Variants in RBFOX1 observed in about 807,000 individuals in gnomAD.
RBFOX1 encodes the protein RNA binding protein fox-1 homolog 1.
In RBFOX1, 8 loss-of-function variants were observed where a neutral mutation model predicts 57.7. The ratio of observed to expected loss-of-function variants is 0.14; its 90% CI spans 0.08 to 0.25. RBFOX1 has a LOEUF of 0.25. RBFOX1 is among the 10% of genes least tolerant of loss of function. The pLI, the probability that RBFOX1 is intolerant of heterozygous loss-of-function variation, is 1.00. For synonymous variants in RBFOX1, 326 were observed against 222.4 expected (o/e 1.47, Z -4.15); for missense variants, 611 against 548.5 (o/e 1.11, Z -1.14).
chr16:6,145,775 C>A (rs2096753333), intron 1 of RBFOX1, among the ~76,000 whole-genome samples: 1 of 152,086 alleles, frequency 6.6e-6, no homozygotes, highest in African/African-American at 2.4e-5. Flanking sequence ...ATAGACTAAT[C>A]ACAGTTTGCA....
chr16:5,610,864 T>C (rs550243464), intron 3 of RBFOX1, among the ~76,000 whole-genome samples: 1 of 152,104 alleles, frequency 6.6e-6, no homozygotes, highest in East Asian at 1.9e-4. Context: ...CAAGACCCTA[T>C]CTGTCAAAAG....
intron 5 of RBFOX1, among the ~76,000 whole-genome samples, chr16:7,577,802 T>A (rs1033813499): frequency 2.6e-5 from 4 of 152,186 alleles, no homozygotes; most frequent in Non-Finnish European, 4.4e-5. Context: ...GGAAGGCTGA[T>A]GTGGCAAGAT....
At chr16:7,416,590 C>T (rs1027588227) in intron 4 of RBFOX1, among the ~76,000 whole-genome samples, 3 of 152,166 alleles carry the variant, frequency 2.0e-5, no homozygotes, top group African/African-American at 4.8e-5. Flanking sequence ...GGACAGCCTT[C>T]TTGTCTTCAT....
At chr16:6,693,926 C>T (rs1038898839) in intron 3 of RBFOX1, among the ~76,000 whole-genome samples, 1 of 152,188 alleles carries the variant, frequency 6.6e-6, no homozygotes, top group African/African-American at 2.4e-5. Context: ...TGACTGTTTA[C>T]CCATATGAAG....
intron 4 of RBFOX1, among the ~76,000 whole-genome samples, chr16:7,153,867 A>T (rs1306320841): frequency 6.6e-6 from 1 of 152,128 alleles, no homozygotes; most frequent in Admixed American, 6.6e-5. Context: ...TGTTCTTGAT[A>T]CCAGGCAGGA....
intron 3 of RBFOX1, among the ~76,000 whole-genome samples, chr16:6,870,694 T>G (rs1320465856): frequency 6.6e-6 from 1 of 152,232 alleles, no homozygotes; most frequent in South Asian, 2.1e-4. Context: ...CAGCACAGTT[T>G]AATTATTTGG....
intron 2 of RBFOX1, among the ~76,000 whole-genome samples, chr16:6,425,653 T>C (rs2093904328): frequency 6.6e-6 from 1 of 152,198 alleles, no homozygotes; most frequent in African/African-American, 2.4e-5. Flanking sequence ...TTTGATGGAC[T>C]TTGTAGGCAT....
chr16:7,045,132 A>T (rs56099033), intron 3 of RBFOX1, among the ~76,000 whole-genome samples: 19,143 of 152,084 alleles, frequency 0.13, 2,090 homozygotes, highest in East Asian at 0.29. Context: ...CTGGCCACCT[A>T]ACTCATGAGA....
At chr16:5,440,690 C>G (rs924380047) in intron 1 of RBFOX1, among the ~76,000 whole-genome samples, 3 of 152,040 alleles carry the variant, frequency 2.0e-5, no homozygotes, top group Admixed American at 1.3e-4. Flanking sequence ...CAAATGAATC[C>G]CCTTTCAAGG....
intron 3 of RBFOX1, among the ~76,000 whole-genome samples, chr16:5,755,693 G>T (rs1159146649): frequency 6.6e-6 from 1 of 152,220 alleles, no homozygotes; most frequent in Non-Finnish European, 1.5e-5. Context: ...CCGCCTACCA[G>T]GTTCAAGCGA....
At chr16:6,410,121 C>G (rs1596778172) in intron 2 of RBFOX1, among the ~76,000 whole-genome samples, 1 of 150,956 alleles carries the variant, frequency 6.6e-6, no homozygotes, top group African/African-American at 2.5e-5. Context: ...AAATTGGCAA[C>G]TTTCTTTTCT....
At chr16:7,667,910 G>A (rs926754613) in intron 13 of RBFOX1, among the ~76,000 whole-genome samples, 2 of 152,252 alleles carry the variant, frequency 1.3e-5, no homozygotes, top group African/African-American at 2.4e-5. Flanking sequence ...CTGACCTCAA[G>A]TGATCCATCC....
intron 3 of RBFOX1, among the ~76,000 whole-genome samples, chr16:5,858,273 C>T (rs951735744): frequency 6.6e-6 from 1 of 152,176 alleles, no homozygotes; most frequent in Non-Finnish European, 1.5e-5. Flanking sequence ...CCACTTCTCA[C>T]ACCAACCCAG....
At chr16:6,126,685 C>G (rs1404508658) in intron 1 of RBFOX1, among the ~76,000 whole-genome samples, 1 of 152,096 alleles carries the variant, frequency 6.6e-6, no homozygotes, top group Admixed American at 6.6e-5. Flanking sequence ...CTGGTTTTCA[C>G]TAGAGCAGGT....
At chr16:5,428,108 GTGTGTGTGTGTGTC>G (rs887279518) in intron 1 of RBFOX1, among the ~76,000 whole-genome samples, 4 of 101,352 alleles carry the variant, frequency 3.9e-5, no homozygotes, top group African/African-American at 9.4e-5. Context: ...CTGGAAGGGT[GTGTGTGTGTGTGTC>G]TGTGTGTGTG....
At chr16:7,291,636 C>T (rs1351122389) in intron 4 of RBFOX1, among the ~76,000 whole-genome samples, 1 of 151,840 alleles carries the variant, frequency 6.6e-6, no homozygotes, top group African/African-American at 2.4e-5. Context: ...TGTGCAGATG[C>T]GTTTGTTTGG....
At chr16:6,283,832 A>T (rs1384500455) in intron 1 of RBFOX1, among the ~76,000 whole-genome samples, 1 of 152,206 alleles carries the variant, frequency 6.6e-6, no homozygotes, top group Non-Finnish European at 1.5e-5. Context: ...AGATATGGCC[A>T]AATTACCTGC....
At chr16:6,913,795 A>G (rs1216255667) in intron 3 of RBFOX1, among the ~76,000 whole-genome samples, 4 of 152,190 alleles carry the variant, frequency 2.6e-5, no homozygotes, top group Admixed American at 6.5e-5. Context: ...TGAAACACAC[A>G]GTGACAGCAG....
At chr16:6,242,176 A>G (rs1456023675) in intron 1 of RBFOX1, among the ~76,000 whole-genome samples, 3 of 152,106 alleles carry the variant, frequency 2.0e-5, no homozygotes, top group Non-Finnish European at 4.4e-5. Flanking sequence ...TTATGTGTAC[A>G]TGTTATATGC....
Sources: allele counts gnomAD v4.1 joint callset (sites outside exome capture counted in the v4.1 genomes callset), GRCh38; gene constraint gnomAD v4.1.1; transcripts MANE v1.5; gene names NCBI Gene and HGNC (gene_info 2026-07-23, HGNC 2026-07-21).